The following ELP3 variants were observed in gnomAD, a reference collection of about 807,000 sequenced individuals.
ELP3 encodes elongator complex protein 3.
In ELP3, 56 loss-of-function variants were observed where a neutral mutation model predicts 74.9. That is an observed-to-expected ratio of 0.75 (90% confidence interval 0.60 to 0.93). The LOEUF (loss-of-function observed/expected upper bound fraction) is 0.93, where lower values mean the gene tolerates loss of function less well. Among genes scored for constraint, ELP3 ranks in the 40% least tolerant of loss-of-function variants. The pLI is 0.00. For synonymous variants in ELP3, 222 were observed against 239.8 expected, an observed-to-expected ratio of 0.93 and a Z score of 0.68; for missense variants, 573 against 686.5, an observed-to-expected ratio of 0.83 and a Z score of 1.85.
chr8:28,132,669 C>T (rs1479267266), intron 9 of ELP3, among the ~76,000 whole-genome samples: 1 of 152,124 alleles, frequency 6.6e-6, no homozygotes, highest in African/African-American at 2.4e-5. Context: ...ATAACACAGA[C>T]ATACAAATAT....
At chr8:28,095,672 A>G (rs1401394318) in intron 1 of ELP3, among the ~76,000 whole-genome samples, 1 of 152,236 alleles carries the variant, frequency 6.6e-6, no homozygotes, top group African/African-American at 2.4e-5. Context: ...AGTTGTGGTG[A>G]AAAGAGCTGG....
chr8:28,126,298 G>C (rs1017748771), intron 7 of ELP3, among the ~76,000 whole-genome samples: 4 of 152,022 alleles, frequency 2.6e-5, no homozygotes, highest in Non-Finnish European at 5.9e-5. Flanking sequence ...TAAATTCCTG[G>C]GTTATTGTCC....
Position 28,097,267 on chromosome 8 carries a change from T to C in ELP3, c.68T>C (p.Ile23Thr). 1 of 1,614,086 alleles carries C rather than the reference T, an allele frequency of 6.2e-7. No individual in the cohort carries two copies. Among genetic ancestry groups the C allele is most frequent in the South Asian group, 1.1e-5 (1 of 91,072 alleles). The change falls in exon 2 of 15, where the codon ATT becomes ACT. Residue 23 changes from isoleucine to threonine, a missense_variant. Physicochemically the swap from Ile to Thr is moderately conservative, Grantham distance 89 (BLOSUM62 -1). Transcript: ENST00000256398. The part of the protein sequence containing the change: ...ELMMLTIGDV[I>T]KQLIEAHEQG... ...ATGATGCTGACTATAGGAGATGTTA[T>C]TAAACAACTGATTGAAGCCCACGAG...
intron 2 of ELP3, 57 bp from the exon 3 acceptor site, chr8:28,099,771 T>C: frequency 6.3e-7 from 1 of 1,595,422 alleles, no homozygotes; most frequent in Non-Finnish European, 8.6e-7. Context: ...ATCATCCTCT[T>C]GGTAGCTTGT....
At chr8:28,138,202 A>C (rs1813071334) in intron 10 of ELP3, among the ~76,000 whole-genome samples, 1 of 152,128 alleles carries the variant, frequency 6.6e-6, no homozygotes. Flanking sequence ...GTCTGCTTCC[A>C]TCTAGATGCA....
chr8:28,098,149 C>G (rs1217732807), intron 2 of ELP3, among the ~76,000 whole-genome samples: 1 of 152,130 alleles, frequency 6.6e-6, no homozygotes, highest in Non-Finnish European at 1.5e-5. Flanking sequence ...TAATCATTTT[C>G]AGCTTGGACT....
chr8:28,162,153 C>T (rs1585729822), intron 14 of ELP3, 75 bp downstream of exon 14: 3 of 1,424,736 alleles, frequency 2.1e-6, no homozygotes, highest in Non-Finnish European at 9.9e-7. Context: ...TATGTTGGTA[C>T]CCTCTTGCCC....
intron 7 of ELP3, among the ~76,000 whole-genome samples, chr8:28,128,824 C>T (rs1812684029): frequency 6.6e-6 from 1 of 152,248 alleles, no homozygotes; most frequent in African/African-American, 2.4e-5. Context: ...AAGAGACTTA[C>T]TTCTCTGCCT....
intron 14 of ELP3, among the ~76,000 whole-genome samples, chr8:28,181,783 A>ATAG (rs1405403213): frequency 1.3e-5 from 2 of 152,178 alleles, no homozygotes; most frequent in African/African-American, 4.8e-5. Flanking sequence ...CTGCTTCCCT[A>ATAG]TAGTGTGGCC....
At chr8:28,164,897 C>G (rs1406731240) in intron 14 of ELP3, among the ~76,000 whole-genome samples, 2 of 151,844 alleles carry the variant, frequency 1.3e-5, no homozygotes, top group African/African-American at 4.8e-5. Flanking sequence ...GATGTGTGTG[C>G]GTGTGTTTTA....
chr8:28,141,010 AAG>A (rs1169783241), intron 10 of ELP3, among the ~76,000 whole-genome samples: 1 of 152,222 alleles, frequency 6.6e-6, no homozygotes, highest in East Asian at 1.9e-4. Flanking sequence ...TATTTTCCCT[AAG>A]AGCAATTACT....
intron 10 of ELP3, among the ~76,000 whole-genome samples, chr8:28,152,376 A>G (rs1301808700): frequency 1.3e-5 from 2 of 152,240 alleles, no homozygotes; most frequent in Non-Finnish European, 2.9e-5. Context: ...TATCAGATAC[A>G]TGATTTACAT....
intron 10 of ELP3, among the ~76,000 whole-genome samples, chr8:28,141,125 G>C (rs564256929): frequency 1.3e-5 from 2 of 152,270 alleles, no homozygotes; most frequent in African/African-American, 4.8e-5. Flanking sequence ...CATAGTTGCA[G>C]AGTATCTCCC....
At position 28,106,795 on chromosome 8, in the gene ELP3, G is replaced by A. The variant is rs371896470; in HGVS notation, c.329+12G>A. On this transcript the variant is annotated intron_variant, in intron 4 of 14. Coordinates refer to ENST00000256398, the MANE Select transcript of ELP3 (RefSeq NM_018091.6). ...GGAAATATATGTGTGTAAGTATGGTGATTTTATTAAATTGTATGTATGTTT... is the reference window on the plus strand; with the variant it reads ...GGAAATATATGTGTGTAAGTATGGTAATTTTATTAAATTGTATGTATGTTT... The A allele has an allele frequency of 5.6e-6, 9 of 1,606,170 alleles. No homozygotes were observed. The highest frequency in any genetic ancestry group is 7.7e-6 in the Non-Finnish European group (9 of 1,174,758).
intron 12 of ELP3, among the ~76,000 whole-genome samples, chr8:28,159,235 G>C (rs1039959595): frequency 6.6e-6 from 1 of 152,182 alleles, no homozygotes; most frequent in African/African-American, 2.4e-5. Context: ...CAGATTTTCT[G>C]TAGGATTTGA....
At chr8:28,103,757 G>A (rs1563248065) in intron 3 of ELP3, among the ~76,000 whole-genome samples, 1 of 152,180 alleles carries the variant, frequency 6.6e-6, no homozygotes, top group African/African-American at 2.4e-5. Context: ...TTTTAAGACA[G>A]GGTTTTGTCC....
At chr8:28,183,454 C>T (rs1434847508) in intron 14 of ELP3, among the ~76,000 whole-genome samples, 1 of 152,092 alleles carries the variant, frequency 6.6e-6, no homozygotes, top group South Asian at 2.1e-4. Flanking sequence ...GAGAGAGTCT[C>T]GCTGTGTCCC....
At chr8:28,166,098 C>T (rs1274871352) in intron 14 of ELP3, among the ~76,000 whole-genome samples, 2 of 152,078 alleles carry the variant, frequency 1.3e-5, no homozygotes, top group Non-Finnish European at 2.9e-5. Flanking sequence ...GTTTCATCAG[C>T]ATCAAAGTCA....
intron 10 of ELP3, among the ~76,000 whole-genome samples, chr8:28,139,176 G>A (rs1363651662): frequency 6.6e-6 from 1 of 151,250 alleles, no homozygotes; most frequent in Admixed American, 6.6e-5. Context: ...CAGGATGTCA[G>A]AGCTGTACGT....
Sources: gnomAD v4.1 joint callset for allele counts (sites outside exome capture counted in the v4.1 genomes callset) on GRCh38, gnomAD v4.1.1 for gene constraint, MANE v1.5 for transcripts, NCBI Gene and HGNC (gene_info 2026-07-23, HGNC 2026-07-21) for gene names.